Variants in NRP1 observed in about 807,000 individuals in gnomAD.
NRP1 encodes the protein neuropilin 1, also known as neuropilin-1.
NRP1 carries 35 observed loss-of-function variants against 106.7 expected under a neutral mutation model. The observed-to-expected ratio is 0.33, with a 90% CI of 0.25 to 0.43. NRP1 has a LOEUF of 0.43. NRP1 is among the 20% of genes least tolerant of loss of function. The pLI is 1.00. For missense variants in NRP1, 1,024 were observed against 1,170.4 expected, an observed-to-expected ratio of 0.87 and a Z score of 1.83; for synonymous variants, 437 against 417.9, an observed-to-expected ratio of 1.05 and a Z score of -0.56.
At chr10:33,322,368 T>C (rs1847573114) in intron 2 of NRP1, among the ~76,000 whole-genome samples, 1 of 152,154 alleles carries the variant, frequency 6.6e-6, no homozygotes, top group African/African-American at 2.4e-5. Context: ...CAAGTTTTTA[T>C]TTATTTATTT....
At chr10:33,210,609 G>A (rs1157129367) in intron 9 of NRP1, among the ~76,000 whole-genome samples, 1 of 152,198 alleles carries the variant, frequency 6.6e-6, no homozygotes, top group Admixed American at 6.5e-5. Context: ...TAGAAGATGA[G>A]GACTTTGAGT....
intron 5 of NRP1, among the ~76,000 whole-genome samples, chr10:33,255,109 A>C (rs1842111947): frequency 6.6e-6 from 1 of 152,224 alleles, no homozygotes. Context: ...CCATCCAGAA[A>C]ATCTCAACTA....
At chr10:33,206,304 C>T (rs1041392949) in intron 10 of NRP1, 5 of 518,852 alleles carry the variant, frequency 9.6e-6, no homozygotes, top group African/African-American at 9.6e-5. Context: ...TCTTGGCATC[C>T]TTTGCCAAAG....
intron 6 of NRP1, among the ~76,000 whole-genome samples, chr10:33,234,596 T>C (rs1356967052): frequency 6.6e-6 from 1 of 152,010 alleles, no homozygotes; most frequent in Non-Finnish European, 1.5e-5. Context: ...AAAAACAAAA[T>C]GGTAGCAACG....
intron 10 of NRP1, 145 bp from the exon 11 acceptor site, chr10:33,203,140 T>C: frequency 1.4e-6 from 1 of 733,896 alleles, no homozygotes. Context: ...TTTCAGGAGC[T>C]AGATATACTT....
intron 13 of NRP1, among the ~76,000 whole-genome samples, chr10:33,189,837 C>T (rs968055294): frequency 6.6e-6 from 1 of 152,204 alleles, no homozygotes; most frequent in African/African-American, 2.4e-5. Flanking sequence ...AGTCTATGCG[C>T]GGGAGCTTCG....
intron 2 of NRP1, among the ~76,000 whole-genome samples, chr10:33,302,825 T>A (rs1239136298): frequency 6.6e-6 from 1 of 152,166 alleles, no homozygotes; most frequent in Non-Finnish European, 1.5e-5. Flanking sequence ...GAATAATGAC[T>A]TCCACCAAAA....
intron 10 of NRP1, among the ~76,000 whole-genome samples, chr10:33,203,868 G>A (rs1349811269): frequency 7.8e-6 from 1 of 128,428 alleles, no homozygotes; most frequent in African/African-American, 2.6e-5. Flanking sequence ...AGCCTCCCGA[G>A]TAGCTGGGAC....
At chr10:33,238,905 C>CTGTGTGTGTG (rs34194923) in intron 6 of NRP1, among the ~76,000 whole-genome samples, 78 of 148,714 alleles carry the variant, frequency 5.2e-4, no homozygotes, top group African/African-American at 1.1e-3. Context: ...GTGGGTGCCT[C>CTGTGTGTGTG]TGTGTGTGTG....
intron 13 of NRP1, among the ~76,000 whole-genome samples, chr10:33,189,851 A>G (rs1836288988): frequency 6.6e-6 from 1 of 152,236 alleles, no homozygotes; most frequent in Non-Finnish European, 1.5e-5. Context: ...AGCTTCGTGA[A>G]GGGCTCTTTT....
At chr10:33,203,726 T>TGAAGTCCTTTAAATTTCGTTCAGATA (rs1837530728) in intron 10 of NRP1, among the ~76,000 whole-genome samples, 24 of 53,528 alleles carry the variant, frequency 4.5e-4, no homozygotes, top group South Asian at 2.6e-3. Context: ...AGACTGCTTT[T>TGAAGTCCTTTAAATTTCGTTCAGATA]TTTTTTTTTT....
intron 2 of NRP1, among the ~76,000 whole-genome samples, chr10:33,301,112 ATGT>A (rs1485491496): frequency 1.3e-5 from 2 of 152,034 alleles, no homozygotes; most frequent in African/African-American, 4.8e-5. Flanking sequence ...AACAACACAA[ATGT>A]TGTATTATTC....
intron 13 of NRP1, among the ~76,000 whole-genome samples, chr10:33,188,590 C>A (rs185250774): frequency 6.6e-6 from 1 of 151,936 alleles, no homozygotes; most frequent in Admixed American, 6.6e-5. Context: ...TAAATATGCT[C>A]GTGTGGCCGG....
At chr10:33,251,831 G>T (rs1035125567) in intron 6 of NRP1, among the ~76,000 whole-genome samples, 4 of 152,128 alleles carry the variant, frequency 2.6e-5, no homozygotes, top group African/African-American at 9.7e-5. Context: ...CCAAGAATGG[G>T]ACTACATTAC....
intron 7 of NRP1, among the ~76,000 whole-genome samples, chr10:33,223,440 G>T (rs1037824177): frequency 1.3e-5 from 2 of 150,958 alleles, no homozygotes; most frequent in African/African-American, 4.9e-5. Flanking sequence ...GGGCAACATA[G>T]TGAGACTCCA....
chr10:33,311,170 T>C (rs1391421714), intron 2 of NRP1, among the ~76,000 whole-genome samples: 1 of 152,106 alleles, frequency 6.6e-6, no homozygotes, highest in African/African-American at 2.4e-5. Context: ...GGTCGGGGGA[T>C]TGAGTGACCT....
At chr10:33,275,091 T>G (rs368193421) in intron 2 of NRP1, among the ~76,000 whole-genome samples, 80 of 152,336 alleles carry the variant, frequency 5.3e-4, no homozygotes, top group African/African-American at 1.9e-3. Context: ...AGCCAATTAG[T>G]CTGCATCTAT....
chr10:33,269,521 AAGAC>A (rs1843148321), intron 3 of NRP1, among the ~76,000 whole-genome samples: 1 of 152,218 alleles, frequency 6.6e-6, no homozygotes, highest in African/African-American at 2.4e-5. Flanking sequence ...ATTTTTGAAG[AAGAC>A]AGATAAGAAT....
chr10:33,197,705 GC>G lies in NRP1; in HGVS notation c.1868del (p.Gly623AlafsTer13). 2 of 1,591,604 alleles carry G rather than the reference GC, an allele frequency of 1.3e-6. No individual in the cohort carries two copies. Among genetic ancestry groups the G allele is most frequent in the Non-Finnish European group, 1.7e-6 (2 of 1,166,940 alleles). ...GTGDDFQLTG[G>X]TTVLATEKPT... The stretch of plus-strand genomic sequence containing the variant: ...GCTTTTCTGTGGCCAGCACAGTGGT[GC>G]CACCTGAAAAACAAAAACAGGAACA... On this transcript the variant is annotated frameshift_variant, in exon 12 of 17. Coordinates refer to ENST00000374867, the MANE Select transcript of NRP1 (RefSeq NM_003873.7). LOFTEE classifies it high-confidence loss of function.
Sources: gnomAD v4.1 joint callset for allele counts (sites outside exome capture counted in the v4.1 genomes callset) on GRCh38, gnomAD v4.1.1 for gene constraint, MANE v1.5 for transcripts, NCBI Gene and HGNC (gene_info 2026-07-23, HGNC 2026-07-21) for gene names.